LRP2: variants seen among roughly 807,000 people sequenced by gnomAD.
LRP2 encodes the protein low-density lipoprotein receptor-related protein 2.
LRP2 carries 172 observed loss-of-function variants against 531.0 expected under a neutral mutation model. That is an observed-to-expected ratio of 0.32 (90% CI 0.29 to 0.37). The LOEUF is 0.37. Among genes scored for constraint, LRP2 ranks in the 10% least tolerant of loss-of-function variants. The probability of loss-of-function intolerance (pLI) is 1.00; values close to 1 mark genes in which losing one functional copy is unlikely to be tolerated. For missense variants in LRP2, 5,167 were observed against 5,868.3 expected (o/e 0.88, Z 3.90); for synonymous variants, 1,992 against 2,027.6 (o/e 0.98, Z 0.47).
intron 20 of LRP2, 86 bp downstream of exon 20, chr2:169,247,292 A>C: frequency 1.5e-6 from 2 of 1,342,820 alleles, no homozygotes; most frequent in Non-Finnish European, 2.1e-6. Flanking sequence ...CCTTTAAGTA[A>C]TAAGTACTTA....
rs1322178923 is a variant in LRP2 at position 169,128,596 on chromosome 2, T to C, written c.*67A>G. 1.3e-6 allele frequency: 2 copies of C among 1,494,444 alleles called. No homozygotes were observed. Among genetic ancestry groups the C allele is most frequent in the Admixed American group, 1.7e-5 (1 of 59,586 alleles). The allele number at this position is 1,494,444 out of a possible 1,614,324, so 92.6% of individuals were successfully genotyped here. On this transcript the variant is annotated 3_prime_UTR_variant, in exon 79 of 79. Transcript: ENST00000649046. ...ATAAAGTACTGAATGTTAACTTTTT[T>C]CATCTGTTTGTAAAAAATATATGTG...
intron 13 of LRP2, among the ~76,000 whole-genome samples, chr2:169,276,799 T>C (rs1375352649): frequency 6.6e-6 from 1 of 152,142 alleles, no homozygotes; most frequent in Non-Finnish European, 1.5e-5. Flanking sequence ...GAAGAACATG[T>C]TTTACCCAAT....
chr2:169,325,081 A>T (rs2105523108), intron 1 of LRP2, among the ~76,000 whole-genome samples: 1 of 151,972 alleles, frequency 6.6e-6, no homozygotes, highest in East Asian at 1.9e-4. Flanking sequence ...AAAAGAAAGA[A>T]AAAAACATTG....
At chr2:169,328,295 C>T in intron 1 of LRP2, among the ~76,000 whole-genome samples, 1 of 128,472 alleles carries the variant, frequency 7.8e-6, no homozygotes, top group Non-Finnish European at 1.8e-5. Flanking sequence ...GTGGGGGGGT[C>T]AGCCCCCCGC....
intron 48 of LRP2, among the ~76,000 whole-genome samples, chr2:169,189,675 T>G (rs539268414): frequency 1.3e-3 from 204 of 152,248 alleles, no homozygotes; most frequent in African/African-American, 4.7e-3. Flanking sequence ...CTGTACCAAA[T>G]GGGGAGCACA....
intron 15 of LRP2, 36 bp from the exon 16 acceptor site, chr2:169,271,143 CA>C: frequency 6.7e-7 from 1 of 1,486,830 alleles, no homozygotes; most frequent in Non-Finnish European, 9.4e-7. Context: ...TCAGTCACAG[CA>C]TGGTTCTTTT....
chr2:169,136,249 A>G (rs1685503642), intron 76 of LRP2, among the ~76,000 whole-genome samples: 1 of 152,042 alleles, frequency 6.6e-6, no homozygotes, highest in African/African-American at 2.4e-5. Flanking sequence ...CTAGGTTCCC[A>G]CACCGCCCCT....
At position 169,247,120 on chromosome 2, in the gene LRP2, A is replaced by G. The variant is rs1690039842; in HGVS notation, c.2909-134T>C. On this transcript the variant is annotated intron_variant, in intron 20 of 78. Transcript: ENST00000649046. ...ATACTAAAAAGTAGCTTCCTCTTGG[A>G]AATCAACCCGCCAAATACAACATTC... The G allele has an allele frequency of 4.6e-5, 51 of 1,114,964 alleles. 2 individuals are homozygous for G. In the South Asian group the frequency reaches 6.8e-4, roughly 15 times the overall value. The allele number at this position is 1,114,964 out of a possible 1,614,324, so 69.1% of individuals were successfully genotyped here.
In LRP2 at chr2:169,175,202, G is replaced by C; in HGVS notation, c.10759C>G (p.Leu3587Val). ...AAGCGACTCAACACACCACAAAGAA[G>C]ACGGTCTTCATCAGACCCATCAGGG... ...NCPDGSDEDRLLCENHHCDSN... is the reference protein window; with the variant it reads ...NCPDGSDEDRVLCENHHCDSN... Residue 3587 changes from leucine to valine, a missense_variant, in exon 55 of 79, where the codon CTT becomes GTT. Physicochemically the swap from Leu to Val is conservative, Grantham distance 32. Transcript: ENST00000649046. 1 of 1,614,022 alleles carries C rather than the reference G, an allele frequency of 6.2e-7. No homozygotes were observed. The highest frequency in any genetic ancestry group is 8.5e-7 in the Non-Finnish European group (1 of 1,179,966).
intron 1 of LRP2, among the ~76,000 whole-genome samples, chr2:169,357,987 T>C (rs1359438677): frequency 2.0e-5 from 3 of 151,866 alleles, no homozygotes; most frequent in Admixed American, 2.0e-4. Context: ...TCTTTGGGAG[T>C]AGGGGCACTG....
Position 169,289,053 on chromosome 2 carries a change from T to C in LRP2, c.1015A>G (p.Asn339Asp). 1 of 1,614,072 alleles carries C rather than the reference T, an allele frequency of 6.2e-7. No homozygotes were observed. The highest frequency in any genetic ancestry group is 8.5e-7 in the Non-Finnish European group (1 of 1,179,992). The change falls in exon 9 of 79, where the codon AAC (asparagine) becomes GAC (aspartate). Residue 339 changes from asparagine (N) to aspartate (D), a missense_variant. Around this residue, in one of 6 missense-constraint regions of LRP2, gnomAD observed 2,811 missense variants for 3,058.0 expected, o/e 0.92. Coordinates refer to ENST00000649046, the MANE Select transcript of LRP2 (RefSeq NM_004525.3). The stretch of plus-strand genomic sequence containing the variant: ...ACACAGGTACGGCTGTCATTGTGGT[T>C]GATGATATAACCTGGGGGACAAAAA... ...ACFCPPGYII[N>D]HNDSRTCVEF... is the part of the protein sequence containing the mutation.
At chr2:169,196,110 T>G (rs972493821) in intron 46 of LRP2, among the ~76,000 whole-genome samples, 38 of 152,158 alleles carry the variant, frequency 2.5e-4, no homozygotes, top group Non-Finnish European at 4.1e-4. Flanking sequence ...ACTTTTTAAC[T>G]AGATAGTAAA....
chr2:169,246,685 G>A lies in LRP2; in HGVS notation c.3190+20C>T, dbSNP rs776415706. 1.4e-5 allele frequency: 23 copies of A among 1,613,488 alleles called. No homozygotes were observed. The highest frequency in any genetic ancestry group is 3.3e-5 in the South Asian group (3 of 91,072). The stretch of plus-strand genomic sequence containing the variant: ...TACTCTATTCATCCCAGGAAATATC[G>A]CCAGTGCATAGCTACTTACTAAGTG... On this transcript the variant is annotated intron_variant, in intron 21 of 78. Transcript: ENST00000649046.
At chr2:169,344,327 T>C (rs1685643125) in intron 1 of LRP2, among the ~76,000 whole-genome samples, 1 of 151,754 alleles carries the variant, frequency 6.6e-6, no homozygotes, top group African/African-American at 2.4e-5. Flanking sequence ...TGTCCATGTG[T>C]TCTCATTGTT....
At chr2:169,235,773 A>T in intron 29 of LRP2, 67 bp downstream of exon 29, 1 of 1,226,388 alleles carries the variant, frequency 8.2e-7, no homozygotes, top group Non-Finnish European at 1.2e-6. Context: ...AGCTTTTCTG[A>T]TACTCGTCTG....
At chr2:169,211,168 C>T (rs141441502) in intron 37 of LRP2, among the ~76,000 whole-genome samples, 145 of 152,300 alleles carry the variant, frequency 9.5e-4, no homozygotes, top group African/African-American at 3.4e-3. Flanking sequence ...GGACTGGAAG[C>T]TCTCTGATTC....
intron 45 of LRP2, among the ~76,000 whole-genome samples, chr2:169,197,275 G>T (rs962565482): frequency 2.6e-5 from 4 of 151,646 alleles, no homozygotes; most frequent in Admixed American, 6.6e-5. Context: ...AAAAAAAATT[G>T]TATTTGTTAG....
At chr2:169,206,213 A>G in intron 39 of LRP2, 25 bp from the exon 40 acceptor site, 1 of 1,614,114 alleles carries the variant, frequency 6.2e-7, no homozygotes, top group Non-Finnish European at 8.5e-7. Context: ...GCAGACACAC[A>G]CACAAGCACA....
chr2:169,200,580 T>C (rs913361269), intron 44 of LRP2, among the ~76,000 whole-genome samples: 2 of 152,104 alleles, frequency 1.3e-5, no homozygotes, highest in African/African-American at 4.8e-5. Flanking sequence ...ACTCATCAAA[T>C]ACATGAAGAT....
Sources: gnomAD v4.1 joint callset for allele counts (sites outside exome capture counted in the v4.1 genomes callset) on GRCh38, gnomAD v4.1.1 for gene constraint, gnomAD v4.1.1 regional missense constraint, MANE v1.5 for transcripts, NCBI Gene and HGNC (gene_info 2026-07-23, HGNC 2026-07-21) for gene names.